Variants in SYNPR observed in about 807,000 individuals in gnomAD.
SYNPR encodes the protein synaptoporin.
SYNPR carries 23 observed loss-of-function variants against 32.9 expected under a neutral mutation model. That is an observed-to-expected ratio of 0.70 (90% CI 0.50 to 0.99). SYNPR has a LOEUF of 0.99. Among genes scored for constraint, SYNPR ranks in the 50% least tolerant of loss-of-function variants. The pLI, the probability that SYNPR is intolerant of heterozygous loss-of-function variation, is 0.00. For synonymous variants in SYNPR, 146 were observed against 135.9 expected (o/e 1.07, Z -0.52); for missense variants, 318 against 349.3 (o/e 0.91, Z 0.71).
At chr3:63,335,910 G>A (rs1276787071) in intron 2 of SYNPR, among the ~76,000 whole-genome samples, 1 of 151,628 alleles carries the variant, frequency 6.6e-6, no homozygotes, top group Non-Finnish European at 1.5e-5. Context: ...CCCAGTAGCT[G>A]GGGTTACAGG....
At chr3:63,310,071 G>A (rs898695213) in intron 2 of SYNPR, among the ~76,000 whole-genome samples, 10 of 151,788 alleles carry the variant, frequency 6.6e-5, no homozygotes, top group African/African-American at 1.9e-4. Flanking sequence ...TTAGGGAAGA[G>A]CTACCCCCTA....
chr3:63,563,385 T>A (rs532095643), intron 4 of SYNPR, among the ~76,000 whole-genome samples: 1 of 152,212 alleles, frequency 6.6e-6, no homozygotes, highest in Non-Finnish European at 1.5e-5. Context: ...AACAAAGAGA[T>A]ATGGAGCTGG....
intron 2 of SYNPR, among the ~76,000 whole-genome samples, chr3:63,418,386 C>T (rs145270250): frequency 6.6e-6 from 1 of 152,266 alleles, no homozygotes; most frequent in Non-Finnish European, 1.5e-5. Flanking sequence ...AACTGTCCCA[C>T]ATTTTCCTGT....
chr3:63,529,306 C>A (rs1024300129), intron 3 of SYNPR, among the ~76,000 whole-genome samples: 2 of 152,162 alleles, frequency 1.3e-5, no homozygotes, highest in Non-Finnish European at 1.5e-5. Flanking sequence ...AATGTAAATG[C>A]TATGTAAATA....
chr3:63,333,925 G>C (rs2087257340), intron 2 of SYNPR, among the ~76,000 whole-genome samples: 1 of 152,168 alleles, frequency 6.6e-6, no homozygotes. Flanking sequence ...CTTACTAAGA[G>C]AGTTTCTAAA....
At chr3:63,583,827 T>C (rs975991533) in intron 4 of SYNPR, among the ~76,000 whole-genome samples, 2 of 152,124 alleles carry the variant, frequency 1.3e-5, no homozygotes, top group African/African-American at 4.8e-5. Context: ...GGTGGTCTGA[T>C]TGGAAAAGCT....
At position 63,464,111 on chromosome 3, in the gene SYNPR, A is replaced by C. The variant is rs145512350; in HGVS notation, c.85-16721A>C. The stretch of plus-strand genomic sequence containing the variant: ...TTTCCAATTCAACAAATTAATATTA[A>C]ATGCTTGCTATGAGTTGTGCATTGT... On this transcript the variant is annotated intron_variant, in intron 2 of 5. Transcript: ENST00000478300. Among the ~76,000 whole-genome samples, 590 of 152,296 alleles carry C rather than the reference A, an allele frequency of 3.9e-3. 4 individuals carry two copies. Among genetic ancestry groups the C allele is most frequent in the African/African-American group, 0.012 (498 of 41,574 alleles).
intron 2 of SYNPR, among the ~76,000 whole-genome samples, chr3:63,327,729 TAA>T (rs1398088640): frequency 6.6e-6 from 1 of 152,134 alleles, no homozygotes; most frequent in African/African-American, 2.4e-5. Flanking sequence ...AAAATATTTT[TAA>T]AAAACACATT....
At chr3:63,498,205 T>C (rs1296848595) in intron 3 of SYNPR, among the ~76,000 whole-genome samples, 1 of 152,180 alleles carries the variant, frequency 6.6e-6, no homozygotes, top group Admixed American at 6.6e-5. Flanking sequence ...CACCACCATC[T>C]TAGCTAATTG....
chr3:63,376,612 C>T (rs188175868), intron 2 of SYNPR, among the ~76,000 whole-genome samples: 2 of 152,214 alleles, frequency 1.3e-5, no homozygotes, highest in African/African-American at 4.8e-5. Flanking sequence ...CCAAGATATT[C>T]ACGTGATTGT....
At chr3:63,334,034 G>A (rs1267819712) in intron 2 of SYNPR, among the ~76,000 whole-genome samples, 1 of 152,192 alleles carries the variant, frequency 6.6e-6, no homozygotes, top group Non-Finnish European at 1.5e-5. Flanking sequence ...AAAACAAGGT[G>A]ATTAATATTT....
At chr3:63,203,153 T>C in the SYNPR span, 2 of 146,790 alleles carry the variant, frequency 1.4e-5, no homozygotes, top group Non-Finnish European at 3.0e-5. Context: ...TCTATACCAG[T>C]GTTGGGGGTG....
chr3:63,606,156 T>C (rs62251872), intron 4 of SYNPR, among the ~76,000 whole-genome samples: 20,491 of 152,114 alleles, frequency 0.13, 1,417 homozygotes, highest in East Asian at 0.17. Flanking sequence ...GGGTAACAGG[T>C]AGTAAGTGTC....
chr3:63,232,391 A>T (rs906469469), intron 1 of SYNPR, among the ~76,000 whole-genome samples: 1 of 151,732 alleles, frequency 6.6e-6, no homozygotes, highest in African/African-American at 2.4e-5. Flanking sequence ...TAGTAGAGAC[A>T]GCGTTTTTGC....
chr3:63,239,783 A>G (rs2086227471), intron 1 of SYNPR, among the ~76,000 whole-genome samples: 1 of 150,598 alleles, frequency 6.6e-6, no homozygotes, highest in South Asian at 2.1e-4. Flanking sequence ...ATTGTCAAGT[A>G]TGTCACACAC....
At chr3:63,262,141 A>C (rs2367772) in intron 2 of SYNPR, among the ~76,000 whole-genome samples, 35,445 of 151,970 alleles carry the variant, frequency 0.23, 4,439 homozygotes, top group South Asian at 0.39. Flanking sequence ...ATGGTTACTC[A>C]ACCTAAGTTT....
intron 3 of SYNPR, among the ~76,000 whole-genome samples, chr3:63,539,675 A>G (rs1488552441): frequency 1.3e-5 from 2 of 152,140 alleles, no homozygotes; most frequent in Non-Finnish European, 2.9e-5. Flanking sequence ...ACCTAGGCAC[A>G]AGGAGCCTTT....
chr3:63,448,246 C>G (rs896823997), intron 2 of SYNPR, among the ~76,000 whole-genome samples: 3 of 152,144 alleles, frequency 2.0e-5, no homozygotes, highest in African/African-American at 7.2e-5. Context: ...TCAGGTGATC[C>G]TCCTGCCTCG....
At chr3:63,423,117 C>T (rs1479027249) in intron 2 of SYNPR, among the ~76,000 whole-genome samples, 1 of 152,094 alleles carries the variant, frequency 6.6e-6, no homozygotes, top group Non-Finnish European at 1.5e-5. Flanking sequence ...ATAGGTAACA[C>T]ATGTACATAA....
Sources: gnomAD v4.1 joint callset for allele counts (sites outside exome capture counted in the v4.1 genomes callset) on GRCh38, gnomAD v4.1.1 for gene constraint, MANE v1.5 for transcripts, NCBI Gene and HGNC (gene_info 2026-07-23, HGNC 2026-07-21) for gene names.